Variants in NRP1 observed in about 807,000 individuals in gnomAD.
NRP1 encodes the protein neuropilin 1.
In NRP1, 35 loss-of-function variants were observed where a neutral mutation model predicts 106.7. The ratio of observed to expected loss-of-function variants is 0.33; its 90% CI spans 0.25 to 0.43. NRP1 has a LOEUF of 0.43. Among genes scored for constraint, NRP1 ranks in the 20% least tolerant of loss-of-function variants. The pLI, the probability that NRP1 is intolerant of heterozygous loss-of-function variation, is 1.00. For synonymous variants in NRP1, 437 were observed against 417.9 expected (o/e 1.05, Z -0.56); for missense variants, 1,024 against 1,170.4 (o/e 0.87, Z 1.83).
At chr10:33,286,610 T>A (rs1245358291) in intron 2 of NRP1, among the ~76,000 whole-genome samples, 1 of 152,200 alleles carries the variant, frequency 6.6e-6, no homozygotes, top group Non-Finnish European at 1.5e-5. Context: ...AATGCCTGGA[T>A]GACCATTTAA....
chr10:33,220,843 A>C (rs1486701933), intron 8 of NRP1, among the ~76,000 whole-genome samples: 2 of 145,514 alleles, frequency 1.4e-5, no homozygotes, highest in Admixed American at 7.1e-5. Context: ...GGAGGTTGCC[A>C]TGAGCCAAAA....
intron 3 of NRP1, among the ~76,000 whole-genome samples, chr10:33,267,404 C>G (rs1035985945): frequency 2.6e-5 from 4 of 152,158 alleles, no homozygotes; most frequent in African/African-American, 9.7e-5. Flanking sequence ...CTCCTCTTTA[C>G]TTGTAAGAAC....
chr10:33,215,926 A>G (rs568978887), intron 8 of NRP1, among the ~76,000 whole-genome samples: 3 of 152,188 alleles, frequency 2.0e-5, no homozygotes, highest in African/African-American at 7.2e-5. Flanking sequence ...GAACTTCCTT[A>G]CTTCTGGGAG....
At chr10:33,320,683 C>A (rs577726239) in intron 2 of NRP1, among the ~76,000 whole-genome samples, 180 of 152,298 alleles carry the variant, frequency 1.2e-3, no homozygotes, top group Non-Finnish European at 2.0e-3. Flanking sequence ...GGTTTTTCAC[C>A]TCAACTCTTC....
At position 33,305,417 on chromosome 10, in the gene NRP1, A is replaced by T. The variant is rs574890678; in HGVS notation, c.248+25291T>A. ...ATAAACCCCTGAAGGTCTAGCTGCA[A>T]AATGGGTGCATGCACTCCCAAACAC... On this transcript the variant is annotated intron_variant, in intron 2 of 16. Transcript: ENST00000374867. Among the ~76,000 whole-genome samples, 8 of 152,312 alleles carry T rather than the reference A, an allele frequency of 5.3e-5. No homozygotes were observed. The East Asian group carries it at 1.5e-3, about 29-fold the overall frequency.
Position 33,186,361 on chromosome 10 carries a change from C to G in NRP1, c.2190G>C (p.Gly730=). The G allele has an allele frequency of 6.2e-7, 1 of 1,614,082 alleles. No homozygotes were observed. Among genetic ancestry groups the G allele is most frequent in the Non-Finnish European group, 8.5e-7 (1 of 1,180,020 alleles). The part of the protein sequence containing the change: ...HCMTFWYHMS[G]SHVGTLRVKL... ...TGACCCTGAGTGTGCCGACGTGGGA[C>G]CCAGACATGTGATACCAGAAGGTCA... is the stretch of plus-strand genomic sequence containing the variant. Residue 730 remains glycine, a synonymous_variant, in exon 14 of 17, where the codon GGG becomes GGC. Transcript: ENST00000374867.
At chr10:33,301,619 T>C (rs1011363842) in intron 2 of NRP1, among the ~76,000 whole-genome samples, 1 of 152,084 alleles carries the variant, frequency 6.6e-6, no homozygotes, top group Non-Finnish European at 1.5e-5. Context: ...ATGGGGCCAG[T>C]GCGCGTGACT....
intron 3 of NRP1, among the ~76,000 whole-genome samples, chr10:33,265,703 A>C (rs1842872300): frequency 6.6e-6 from 1 of 152,198 alleles, no homozygotes; most frequent in Admixed American, 6.5e-5. Context: ...GACTTATTTG[A>C]AATACCTCTC....
chr10:33,256,511 T>C, intron 4 of NRP1, 40 bp from the exon 5 acceptor site: 1 of 1,601,890 alleles, frequency 6.2e-7, no homozygotes, highest in Non-Finnish European at 8.5e-7. Flanking sequence ...AAATGTCTTT[T>C]CTCCTGCAGC....
chr10:33,293,003 G>A (rs991457874), intron 2 of NRP1, among the ~76,000 whole-genome samples: 1 of 147,498 alleles, frequency 6.8e-6, no homozygotes, highest in African/African-American at 2.5e-5. Flanking sequence ...AAAAAAGCCC[G>A]CCAATGAAAG....
At chr10:33,192,182 CG>C in intron 13 of NRP1, 98 bp downstream of exon 13, 1 of 1,305,178 alleles carries the variant, frequency 7.7e-7, no homozygotes. Context: ...AATTCCTACC[CG>C]CCCTAAATTC....
intron 6 of NRP1, among the ~76,000 whole-genome samples, chr10:33,249,084 G>GTTTT (rs750905931): frequency 0.022 from 1,585 of 72,192 alleles, 221 homozygotes; most frequent in East Asian, 0.028. Context: ...TATGTCTCTT[G>GTTTT]TTTTTTTTTT....
chr10:33,190,776 ATATGTGTGTGTGTG>A (rs1369837199), intron 13 of NRP1, among the ~76,000 whole-genome samples: 3 of 152,052 alleles, frequency 2.0e-5, no homozygotes, highest in Middle Eastern at 3.4e-3. Flanking sequence ...GTGAGTGTGT[ATATGTGTGTGTGTG>A]TATGTGTGTG....
chr10:33,270,805 C>T lies in NRP1; in HGVS notation c.300G>A (p.Arg100=), dbSNP rs1295968806. 8.7e-6 allele frequency: 14 copies of T among 1,613,478 alleles called. No homozygotes were observed. The highest frequency in any genetic ancestry group is 1.7e-5 in the Admixed American group (1 of 59,904). Residue 100 remains arginine (R), a synonymous_variant, in exon 3 of 17, where the codon AGG becomes AGA. Transcript: ENST00000374867. The part of the protein sequence containing the change: ...FDGENENGHF[R]GKFCGKIAPP... ...GGGCTATCTTTCCACAGAACTTTCCCCTAAAATGTCCATTTTCATTTTCTC... is the reference window on the plus strand; with the variant it reads ...GGGCTATCTTTCCACAGAACTTTCCTCTAAAATGTCCATTTTCATTTTCTC...
chr10:33,290,348 G>GT (rs10718716), intron 2 of NRP1, among the ~76,000 whole-genome samples: 2,141 of 135,796 alleles, frequency 0.016, 47 homozygotes, highest in African/African-American at 0.053. Context: ...TTACCAAGAG[G>GT]TTTTTTTTTT....
intron 4 of NRP1, among the ~76,000 whole-genome samples, chr10:33,262,322 T>C (rs1324280083): frequency 6.6e-6 from 1 of 152,064 alleles, no homozygotes; most frequent in Non-Finnish European, 1.5e-5. Flanking sequence ...TTCACAAGAG[T>C]GGAATGGAAA....
At position 33,199,365 on chromosome 10, in the gene NRP1, T is replaced by TTC. The variant is rs1554776920; in HGVS notation, c.1865-1658_1865-1657dup. On this transcript the variant is annotated intron_variant, in intron 11 of 16. Transcript: ENST00000374867. ...GTGTGCGCCACCATGCCTGGCTGTTTTCTATATATATATATATATATATAT... is the reference window on the plus strand; with the variant it reads ...GTGTGCGCCACCATGCCTGGCTGTTTTCTCTATATATATATATATATATATAT... Among the ~76,000 whole-genome samples the TTC allele has an allele frequency of 6.4e-4, 41 of 64,264 alleles. 1 individual carries two copies. Among genetic ancestry groups the TTC allele is most frequent in the Non-Finnish European group, 3.1e-5 (1 of 31,868 alleles). The allele number at this position is 64,264 out of a possible 152,430, so 42.2% of individuals were successfully genotyped here. A position where few individuals can be genotyped will look rare whatever the true frequency, so the allele number is the denominator to read the frequency against.
chr10:33,189,025 G>T (rs55696830), intron 13 of NRP1, among the ~76,000 whole-genome samples: 17 of 150,278 alleles, frequency 1.1e-4, no homozygotes, highest in African/African-American at 3.9e-4. Flanking sequence ...TTCACAAAGA[G>T]GGAGCGCTGG....
intron 11 of NRP1, 49 bp downstream of exon 11, chr10:33,202,842 A>G (rs1390939660): frequency 6.2e-7 from 1 of 1,614,196 alleles, no homozygotes; most frequent in Admixed American, 1.7e-5. Context: ...GTCCCAACTA[A>G]GACATGAACT....
Sources: gnomAD v4.1 joint callset for allele counts (sites outside exome capture counted in the v4.1 genomes callset) on GRCh38, gnomAD v4.1.1 for gene constraint, MANE v1.5 for transcripts, NCBI Gene and HGNC (gene_info 2026-07-23, HGNC 2026-07-21) for gene names.